AHI1: variants seen among roughly 807,000 people sequenced by gnomAD.
AHI1 encodes jouberin.
A neutral mutation model predicts 149.3 loss-of-function variants in AHI1; 123 were observed. The observed-to-expected ratio is 0.82, with a 90% CI of 0.71 to 0.96. The LOEUF is 0.96. Among genes scored for constraint, AHI1 ranks in the 40% least tolerant of loss-of-function variants. The pLI, the probability that AHI1 is intolerant of heterozygous loss-of-function variation, is 0.00. For missense variants in AHI1, 1,439 were observed against 1,422.7 expected, an observed-to-expected ratio of 1.01 and a Z score of -0.18; for synonymous variants, 475 against 459.8, an observed-to-expected ratio of 1.03 and a Z score of -0.42.
intron 23 of AHI1, among the ~76,000 whole-genome samples, chr6:135,380,483 G>T (rs977204347): frequency 2.6e-5 from 4 of 152,090 alleles, no homozygotes; most frequent in African/African-American, 9.7e-5. Flanking sequence ...TCTACAAAGG[G>T]TCGTAAAACC....
chr6:135,450,190 A>G (rs1787884120), intron 11 of AHI1, among the ~76,000 whole-genome samples: 1 of 152,236 alleles, frequency 6.6e-6, no homozygotes, highest in South Asian at 2.1e-4. Flanking sequence ...AAGAAAAATT[A>G]GGAGAGGATG....
At position 135,442,666 on chromosome 6, in the gene AHI1, G is replaced by A. The variant is rs751734985; in HGVS notation, c.1828C>T (p.Arg610Ter). ...KHLFSLNAGE[R>*]GCFCLDFSHN... ...GAGAAATCAAGACAAAAACATCCTC[G>A]TTCTCCTGCATTTAGTGAGAAGAGG... Residue 610 changes from arginine (R) to a stop codon, truncating the protein, a stop_gained, in exon 14 of 29, where the codon CGA (arginine) becomes TGA (stop). Transcript: ENST00000265602. LOFTEE classifies it high-confidence loss of function. The A allele has an allele frequency of 5.0e-6, 8 of 1,611,116 alleles. No homozygotes were observed. The highest frequency in any genetic ancestry group is 2.2e-5 in the East Asian group (1 of 44,828).
chr6:135,342,062 G>A (rs1790455176), intron 24 of AHI1, among the ~76,000 whole-genome samples: 2 of 151,596 alleles, frequency 1.3e-5, no homozygotes, highest in Admixed American at 6.6e-5. Flanking sequence ...GGCCAGGGTA[G>A]AAAAAACAAA....
chr6:135,401,776 C>T (rs2128493844), intron 22 of AHI1, among the ~76,000 whole-genome samples: 1 of 151,970 alleles, frequency 6.6e-6, no homozygotes, highest in Non-Finnish European at 1.5e-5. Context: ...TGACACAAGG[C>T]TAGAAAATGG....
rs1781553337 is a variant in AHI1, at chr6:135,285,271, A to ATGAT, written c.*370_*373dup. 1 of 273,502 alleles carries ATGAT rather than the reference A, an allele frequency of 3.7e-6. No homozygotes were observed. The allele number at this position is 273,502 out of a possible 1,614,324, so 16.9% of individuals were successfully genotyped here. ...ACCATTACCAATATAATAATATTAA[A>ATGAT]TGATTACTTAACAGACATCCTAATA... On this transcript the variant is annotated 3_prime_UTR_variant, in exon 29 of 29. Transcript: ENST00000265602.
At chr6:135,432,662 T>C (rs1037291570) in intron 16 of AHI1, among the ~76,000 whole-genome samples, 1 of 152,146 alleles carries the variant, frequency 6.6e-6, no homozygotes, top group Non-Finnish European at 1.5e-5. Flanking sequence ...ACCATATTAT[T>C]CTTATATCAA....
chr6:135,329,785 T>C (rs536730404), intron 24 of AHI1, among the ~76,000 whole-genome samples: 16 of 152,362 alleles, frequency 1.1e-4, no homozygotes, highest in African/African-American at 3.8e-4. Context: ...GGATGCACTA[T>C]TCTAGATGAC....
intron 23 of AHI1, among the ~76,000 whole-genome samples, chr6:135,389,699 T>C (rs1304732081): frequency 7.9e-5 from 12 of 152,216 alleles, no homozygotes; most frequent in Admixed American, 7.2e-4. Flanking sequence ...ACTCGACTTA[T>C]CGATTTAATA....
Position 135,411,485 on chromosome 6 carries a change from T to C in AHI1, c.2824A>G (p.Ile942Val). 1.2e-6 allele frequency: 2 copies of C among 1,612,188 alleles called. No homozygotes were observed. The highest frequency in any genetic ancestry group is 1.1e-5 in the South Asian group (1 of 90,616). ...CATAGGGCATCTTGACTTTGGTGTA[T>C]TCCAGGTAATGGAAATGTTCCATTG... ...RYNGTFPLPG[I>V]HQSQDALCTC... The change falls in exon 21 of 29, where the codon ATA becomes GTA. Residue 942 changes from isoleucine to valine, a missense_variant. Transcript: ENST00000265602.
intron 17 of AHI1, 111 bp downstream of exon 17, chr6:135,431,097 A>C (rs1784588798): frequency 1.5e-6 from 1 of 679,380 alleles, no homozygotes; most frequent in Non-Finnish European, 2.4e-6. Context: ...AAAACTGTTA[A>C]TTTTTTGAAA....
intron 26 of AHI1, chr6:135,301,087 C>T (rs113335023): frequency 0.013 from 12,337 of 985,124 alleles, 91 homozygotes; most frequent in Non-Finnish European, 0.014. Context: ...TCAAGGGTAC[C>T]AAATTTTACC....
chr6:135,466,678 A>C (rs1790820072), intron 6 of AHI1, among the ~76,000 whole-genome samples: 1 of 131,924 alleles, frequency 7.6e-6, no homozygotes, highest in African/African-American at 2.8e-5. Context: ...TTCCTCATAC[A>C]TATTTTCCTC....
intron 15 of AHI1, 75 bp downstream of exon 15, chr6:135,438,300 T>G: frequency 7.5e-7 from 1 of 1,331,440 alleles, no homozygotes; most frequent in South Asian, 2.2e-5. Flanking sequence ...TAAGAGTAGT[T>G]ACATCAGTTT....
rs184716514 is a variant in AHI1 at position 135,300,665 on chromosome 6, A to G, written c.3427-107T>C. On this transcript the variant is annotated intron_variant, in intron 26 of 28. Coordinates refer to ENST00000265602, the MANE Select transcript of AHI1 (RefSeq NM_001134831.2). ...CCAACTTCCTGAATGGGGAGAGAAT[A>G]TGCCTGTTCTGAACAGGAATATCTA... The G allele has an allele frequency of 1.7e-4, 257 of 1,524,598 alleles. 4 individuals carry two copies. In the East Asian group the frequency reaches 4.2e-3, roughly 25 times the overall value. 94.4% of individuals were successfully genotyped at this position (1,524,598 alleles called of 1,614,324 possible).
intron 10 of AHI1, among the ~76,000 whole-genome samples, chr6:135,455,362 A>G (rs1179773862): frequency 1.3e-5 from 2 of 152,186 alleles, no homozygotes; most frequent in African/African-American, 4.8e-5. Flanking sequence ...TCCAGGTGGT[A>G]CACATATTCT....
At chr6:135,467,777 C>T in intron 5 of AHI1, 143 bp from the exon 6 acceptor site, 1 of 536,712 alleles carries the variant, frequency 1.9e-6, no homozygotes, top group South Asian at 3.0e-5. Context: ...TATCTTAGAG[C>T]ATTTGATGAG....
chr6:135,312,596 C>A (rs1398210786), intron 26 of AHI1, among the ~76,000 whole-genome samples: 2 of 152,056 alleles, frequency 1.3e-5, no homozygotes, highest in Non-Finnish European at 2.9e-5. Context: ...AAAAAACAAC[C>A]AGGGATGTAA....
At chr6:135,456,901 T>C (rs1789047392) in intron 9 of AHI1, among the ~76,000 whole-genome samples, 1 of 152,196 alleles carries the variant, frequency 6.6e-6, no homozygotes, top group South Asian at 2.1e-4. Context: ...TACAATGCAA[T>C]ATAAAATATT....
intron 24 of AHI1, among the ~76,000 whole-genome samples, chr6:135,353,041 C>T (rs1362887214): frequency 6.6e-6 from 1 of 151,352 alleles, no homozygotes; most frequent in African/African-American, 2.4e-5. Flanking sequence ...GAAAAAAAGT[C>T]TAAGAAAAAC....
Sources: gnomAD v4.1 joint callset for allele counts (sites outside exome capture counted in the v4.1 genomes callset) on GRCh38, gnomAD v4.1.1 for gene constraint, MANE v1.5 for transcripts, NCBI Gene and HGNC (gene_info 2026-07-23, HGNC 2026-07-21) for gene names.